Variants in CCDC158 observed in about 807,000 individuals in gnomAD.
CCDC158 encodes the protein coiled-coil domain-containing protein 158.
A neutral mutation model predicts 138.6 loss-of-function variants in CCDC158; 116 were observed. That is an observed-to-expected ratio of 0.84 (90% CI 0.72 to 0.98). CCDC158 has a LOEUF of 0.98. Among genes scored for constraint, CCDC158 ranks in the 50% least tolerant of loss-of-function variants. The pLI, the probability that CCDC158 is intolerant of heterozygous loss-of-function variation, is 0.00. For synonymous variants in CCDC158, 436 were observed against 442.4 expected, an observed-to-expected ratio of 0.99 and a Z score of 0.18; for missense variants, 1,265 against 1,306.1, an observed-to-expected ratio of 0.97 and a Z score of 0.48.
At chr4:76,334,251 C>A in intron 18 of CCDC158, 84 bp from the exon 19 acceptor site, 3 of 1,308,770 alleles carry the variant, frequency 2.3e-6, no homozygotes, top group South Asian at 3.3e-5. Context: ...AACTGGTAAA[C>A]AGAAATTATG....
chr4:76,336,984 CT>C (rs893520358), intron 18 of CCDC158, among the ~76,000 whole-genome samples: 1 of 151,448 alleles, frequency 6.6e-6, no homozygotes, highest in Admixed American at 6.6e-5. Flanking sequence ...ATAGAAATGT[CT>C]TTTTTTTTCC....
chr4:76,347,070 C>T (rs1722623279), intron 18 of CCDC158, among the ~76,000 whole-genome samples: 1 of 152,162 alleles, frequency 6.6e-6, no homozygotes, highest in Non-Finnish European at 1.5e-5. Flanking sequence ...TGCTTTTACA[C>T]TGTTGGTGGA....
At chr4:76,320,425 G>C (rs892718316) in intron 24 of CCDC158, among the ~76,000 whole-genome samples, 5 of 152,144 alleles carry the variant, frequency 3.3e-5, no homozygotes, top group African/African-American at 1.2e-4. Flanking sequence ...ATTCTTCACA[G>C]AACTGGAAAA....
intron 1 of CCDC158, among the ~76,000 whole-genome samples, chr4:76,419,023 G>A (rs1729910414): frequency 6.6e-6 from 1 of 152,064 alleles, no homozygotes. Flanking sequence ...CAATCCCCAG[G>A]TGTCTGCAAC....
chr4:76,399,403 T>C (rs1728135667), intron 3 of CCDC158, among the ~76,000 whole-genome samples: 1 of 152,124 alleles, frequency 6.6e-6, no homozygotes, highest in South Asian at 2.1e-4. Flanking sequence ...CAAACCACGA[T>C]GGCACACATT....
intron 18 of CCDC158, among the ~76,000 whole-genome samples, chr4:76,334,568 G>A (rs991851081): frequency 1.7e-4 from 26 of 152,256 alleles, no homozygotes; most frequent in African/African-American, 6.3e-4. Flanking sequence ...TGAGAATTAA[G>A]GAGCTATTTA....
intron 18 of CCDC158, chr4:76,345,314 C>T: frequency 1.8e-6 from 2 of 1,088,476 alleles, no homozygotes; most frequent in Non-Finnish European, 2.9e-6. Flanking sequence ...ACAGACACAC[C>T]AAAGCCCTCA....
chr4:76,367,413 T>C lies in CCDC158; in HGVS notation c.1711A>G (p.Ile571Val). Residue 571 changes from isoleucine (I) to valine (V), a missense_variant, in exon 12 of 25, where the codon ATT becomes GTT. Transcript: ENST00000682701. ...DKVIEILRQQ[I>V]ENMTQLVGQH... ...CCCACCAGCTGTGTCATGTTCTCAA[T>C]CTGCTGTCGCAGAATCTCGATCACC... 1 of 1,614,266 alleles carries C rather than the reference T, an allele frequency of 6.2e-7. No individual in the cohort carries two copies. Among genetic ancestry groups the C allele is most frequent in the Non-Finnish European group, 8.5e-7 (1 of 1,180,054 alleles).
At chr4:76,341,280 C>T (rs1722024264) in intron 18 of CCDC158, among the ~76,000 whole-genome samples, 1 of 152,176 alleles carries the variant, frequency 6.6e-6, no homozygotes. Context: ...TGTCTCCATT[C>T]TCCAAAGATA....
chr4:76,323,585 A>G (rs115033808), intron 23 of CCDC158, among the ~76,000 whole-genome samples, 176 bp from the exon 24 acceptor site: 130 of 152,362 alleles, frequency 8.5e-4, no homozygotes, highest in African/African-American at 3.0e-3. Flanking sequence ...TTTAAAAGAG[A>G]GAAAAATGAG....
chr4:76,388,700 G>A (rs1727046260), intron 4 of CCDC158, among the ~76,000 whole-genome samples: 1 of 152,114 alleles, frequency 6.6e-6, no homozygotes, highest in Non-Finnish European at 1.5e-5. Flanking sequence ...AAGACTCAGG[G>A]CAGTGCTGAC....
intron 4 of CCDC158, among the ~76,000 whole-genome samples, chr4:76,387,420 C>G (rs1333559006): frequency 1.3e-5 from 2 of 152,160 alleles, no homozygotes; most frequent in South Asian, 4.1e-4. Context: ...GGCATGGTGG[C>G]TCATGCCTGT....
At chr4:76,350,867 T>C (rs532978609) in intron 18 of CCDC158, 129 bp downstream of exon 18, 26 of 793,150 alleles carry the variant, frequency 3.3e-5, no homozygotes, top group South Asian at 1.4e-4. Context: ...GGAAAATGTA[T>C]AAATCTAAAA....
chr4:76,409,459 C>T (rs955420459), intron 2 of CCDC158, among the ~76,000 whole-genome samples: 9 of 152,018 alleles, frequency 5.9e-5, no homozygotes, highest in South Asian at 2.1e-4. Flanking sequence ...TCTGACATGC[C>T]GAAGGTCTAT....
rs559552361 is a variant in CCDC158, at chr4:76,348,251, C to T, written c.2664+2745G>A. Among the ~76,000 whole-genome samples the T allele has an allele frequency of 2.2e-3, 306 of 139,232 alleles. 1 individual carries two copies. The highest frequency in any genetic ancestry group is 3.3e-3 in the Non-Finnish European group (217 of 65,348). The allele number at this position is 139,232 out of a possible 152,430, so 91.3% of individuals were successfully genotyped here. On this transcript the variant is annotated intron_variant, in intron 18 of 24. Transcript: ENST00000682701. ...CATCCTGGCTAACACAGTGAAACCC[C>T]GTCTCTACTAAATATACAAAAAAAA...
chr4:76,365,007 G>A (rs1034762203), intron 12 of CCDC158, among the ~76,000 whole-genome samples: 3 of 152,246 alleles, frequency 2.0e-5, no homozygotes, highest in African/African-American at 7.2e-5. Context: ...CATGCAGTAA[G>A]GGACGGGGAG....
At position 76,384,632 on chromosome 4, in the gene CCDC158, A is replaced by C. The variant is rs756244260; in HGVS notation, c.322T>G (p.Leu108Val). The stretch of plus-strand genomic sequence containing the variant: ...TGCAAATCAATGACTGACTGCCTCA[A>C]ATAAAACTTTTGTTTCTCATGCAAT... ...NELHEKQKFY[L>V]RQSVIDLQTK... The change falls in exon 5 of 25, where the codon TTG (leucine) becomes GTG (valine). Residue 108 changes from leucine (L) to valine (V), a missense_variant. By Grantham distance (32) the Leu-to-Val change is conservative. Coordinates refer to ENST00000682701, the MANE Select transcript of CCDC158 (RefSeq NM_001394954.1). The C allele has an allele frequency of 1.9e-6, 3 of 1,613,468 alleles. No individual in the cohort carries two copies. The highest frequency in any genetic ancestry group is 4.5e-5 in the East Asian group (2 of 44,866).
intron 14 of CCDC158, among the ~76,000 whole-genome samples, chr4:76,355,827 G>GTGTA (rs1459737610): frequency 9.2e-5 from 14 of 151,434 alleles, no homozygotes; most frequent in Non-Finnish European, 1.8e-4. Context: ...GTGTGTGTGT[G>GTGTA]TGTAGACATG....
rs534755235 is a variant in CCDC158 at position 76,382,594 on chromosome 4, G to C, written c.914+16C>G. On this transcript the variant is annotated intron_variant, in intron 8 of 24. Coordinates refer to ENST00000682701, the MANE Select transcript of CCDC158 (RefSeq NM_001394954.1). ...TTAAAATGAAGATGAATGACTAACA[G>C]TTTCAAACCACATACTGAATGATTT... 1 of 1,476,716 alleles carries C rather than the reference G, an allele frequency of 6.8e-7. No individual in the cohort carries two copies. The highest frequency in any genetic ancestry group is 9.5e-7 in the Non-Finnish European group (1 of 1,057,152). The allele number at this position is 1,476,716 out of a possible 1,614,324, so 91.5% of individuals were successfully genotyped here.
Sources: gnomAD v4.1 joint callset for allele counts (sites outside exome capture counted in the v4.1 genomes callset) on GRCh38, gnomAD v4.1.1 for gene constraint, MANE v1.5 for transcripts, NCBI Gene and HGNC (gene_info 2026-07-23, HGNC 2026-07-21) for gene names.